NLRP1: variants seen among roughly 807,000 people sequenced by gnomAD.
The protein encoded by NLRP1 is NLR family pyrin domain containing 1.
A neutral mutation model predicts 136.7 loss-of-function variants in NLRP1; 94 were observed. The observed-to-expected ratio is 0.69, with a 90% CI of 0.58 to 0.82. The LOEUF (loss-of-function observed/expected upper bound fraction) is 0.82, where lower values mean the gene tolerates loss of function less well. Ranked by LOEUF, NLRP1 falls within the 40% of genes least tolerant of loss-of-function variation. NLRP1 has a pLI of 0.00. For synonymous variants in NLRP1, 690 were observed against 725.1 expected, an observed-to-expected ratio of 0.95 and a Z score of 0.78; for missense variants, 1,575 against 1,802.7, an observed-to-expected ratio of 0.87 and a Z score of 2.29.
Position 5,559,481 on chromosome 17 carries a change from C to T in NLRP1, c.1215G>A (p.Leu405=), listed in dbSNP as rs758681655. The change falls in exon 4 of 17, where the codon CTG becomes CTA. Residue 405 remains leucine, a synonymous_variant. Coordinates refer to ENST00000572272, the MANE Select transcript of NLRP1 (RefSeq NM_033004.4). ...IRQILSRPER[L]LFILDGVDEP... is the part of the protein sequence containing the mutation. ...CATCTACACCATCGAGGATGAAGAG[C>T]AGCCGCTCTGGCCTAGACAGGATCT... 1.2e-6 allele frequency: 2 copies of T among 1,614,226 alleles called. No individual in the cohort carries two copies. Among genetic ancestry groups the T allele is most frequent in the East Asian group, 2.2e-5 (1 of 44,886 alleles).
At chr17:5,560,202 G>C (rs866525720) in intron 3 of NLRP1, among the ~76,000 whole-genome samples, 159 bp from the exon 4 acceptor site, 22 of 152,214 alleles carry the variant, frequency 1.4e-4, no homozygotes, top group Admixed American at 1.3e-4. Flanking sequence ...TGTGCTTTGG[G>C]GTAGAATATC....
In NLRP1 at chr17:5,537,091, G is replaced by A. The variant is rs1265092885; in HGVS notation, c.2871-151C>T. 1.6e-6 allele frequency: 1 copy of A among 620,410 alleles called. No homozygotes were observed. The highest frequency in any genetic ancestry group is 2.9e-6 in the Non-Finnish European group (1 of 342,218). The allele number at this position is 620,410 out of a possible 1,614,324, so 38.4% of individuals were successfully genotyped here. On this transcript the variant is annotated intron_variant, in intron 7 of 16. Transcript: ENST00000572272. The surrounding 1 kb of genome is among the most constrained non-coding windows in gnomAD (Gnocchi z 4.5). ...CAGGCTCTGAGGAGGAGGGTACAGTGAGGAGATTCATTAGGGTGTGTTCTT... is the reference window on the plus strand; with the variant it reads ...CAGGCTCTGAGGAGGAGGGTACAGTAAGGAGATTCATTAGGGTGTGTTCTT...
At chr17:5,572,780 A>G (rs1904547337) in intron 3 of NLRP1, among the ~76,000 whole-genome samples, 1 of 152,200 alleles carries the variant, frequency 6.6e-6, no homozygotes, top group African/African-American at 2.4e-5. Context: ...ACACATGGCC[A>G]ACAGCATATG....
At chr17:5,511,732 T>TTCCG (rs1555541200), downstream of NLRP1, among the ~76,000 whole-genome samples, 1 of 149,850 alleles carries the variant, frequency 6.7e-6, no homozygotes, top group Non-Finnish European at 1.5e-5. Flanking sequence ...CCTTCCTTCT[T>TTCCG]TCCCTCCCTC....
intron 10 of NLRP1, 37 bp downstream of exon 10, chr17:5,533,267 T>C: frequency 6.4e-7 from 1 of 1,551,640 alleles, no homozygotes; most frequent in East Asian, 2.4e-5. Flanking sequence ...AGAACATGGT[T>C]CAAAAGATGA....
chr17:5,515,051 G>A lies in NLRP1; in HGVS notation c.4125C>T (p.Ala1375=). Residue 1375 remains alanine (A), a synonymous_variant, in exon 17 of 17, where the codon GCC becomes GCT. Coordinates refer to ENST00000572272, the MANE Select transcript of NLRP1 (RefSeq NM_033004.4). ...ARIAVPSPLD[A]PQLLHFVDQY... is the part of the protein sequence containing the mutation. Reference sequence around the variant, plus strand: ...GGTCCACAAAGTGCAGCAACTGCGGGGCATCCAGAGGTGAAGGTACGGCTG... The same window carrying A: ...GGTCCACAAAGTGCAGCAACTGCGGAGCATCCAGAGGTGAAGGTACGGCTG... 6.2e-7 allele frequency: 1 copy of A among 1,614,046 alleles called. No individual in the cohort carries two copies. Among genetic ancestry groups the A allele is most frequent in the Non-Finnish European group, 8.5e-7 (1 of 1,179,976 alleles).
In NLRP1 at chr17:5,514,628, A is replaced by G. The variant is rs1907853592; in HGVS notation, c.*126T>C. On this transcript the variant is annotated 3_prime_UTR_variant, in exon 17 of 17. Coordinates refer to ENST00000572272, the MANE Select transcript of NLRP1 (RefSeq NM_033004.4). ...CATAATGCCCAGCAAAGGCATCATCAAAGTTCCATTACTTTAGTGCTGGAA... is the reference window on the plus strand; with the variant it reads ...CATAATGCCCAGCAAAGGCATCATCGAAGTTCCATTACTTTAGTGCTGGAA... 1 of 1,489,642 alleles carries G rather than the reference A, an allele frequency of 6.7e-7. No homozygotes were observed. The highest frequency in any genetic ancestry group is 8.9e-7 in the Non-Finnish European group (1 of 1,118,072). 92.3% of individuals were successfully genotyped at this position (1,489,642 alleles called of 1,614,324 possible). A position where few individuals can be genotyped will look rare whatever the true frequency, so the allele number is the denominator to read the frequency against.
intron 11 of NLRP1, 114 bp downstream of exon 11, chr17:5,532,708 C>T (rs1910460968): frequency 1.2e-6 from 1 of 854,462 alleles, no homozygotes. Flanking sequence ...AGGAGGGGAC[C>T]CAGTGGTGAG....
At position 5,558,643 on chromosome 17, in the gene NLRP1, C is replaced by T. The variant is rs200362116; in HGVS notation, c.2053G>A (p.Glu685Lys). ...CGGCAGTGAAAGATGTTCTCCATCT[C>T]TCTCTCCCCCTCATCACTTAACAGG... ...LGLLSDEGER[E>K]MENIFHCRLS... The change falls in exon 4 of 17, where the codon GAG (glutamate) becomes AAG (lysine). Residue 685 changes from glutamate (E) to lysine (K), a missense_variant. By Grantham distance (56) the Glu-to-Lys change is moderately conservative. Coordinates refer to ENST00000572272, the MANE Select transcript of NLRP1 (RefSeq NM_033004.4). 4 of 1,613,928 alleles carry T rather than the reference C, an allele frequency of 2.5e-6. No homozygotes were observed. Among genetic ancestry groups the T allele is most frequent in the Non-Finnish European group, 3.4e-6 (4 of 1,179,828 alleles).
At chr17:5,571,042 A>G (rs561814635) in intron 3 of NLRP1, among the ~76,000 whole-genome samples, 1 of 152,304 alleles carries the variant, frequency 6.6e-6, no homozygotes, top group South Asian at 2.1e-4. Context: ...CAGAAAAAGC[A>G]TTTGATAAAA....
intron 12 of NLRP1, 115 bp downstream of exon 12, chr17:5,530,366 C>T (rs373713651): frequency 2.1e-5 from 18 of 845,326 alleles, no homozygotes; most frequent in East Asian, 1.3e-4. Flanking sequence ...CCATAACCCC[C>T]CCTCGGCCCC....
chr17:5,544,136 G>C (rs1912237190), intron 5 of NLRP1, among the ~76,000 whole-genome samples: 1 of 152,184 alleles, frequency 6.6e-6, no homozygotes, highest in Admixed American at 6.5e-5. Context: ...AGGGGAAATA[G>C]TTCTTGGTCA....
rs545397050 is a variant in NLRP1, at chr17:5,574,693, G to A, written c.652+7166C>T. ...TTTTTTTTTTTTGAGATGGAGTCTC[G>A]CTCTGTCACCCAGGCTGGAGTGCAG... On this transcript the variant is annotated intron_variant, in intron 3 of 16. Transcript: ENST00000572272. Among the ~76,000 whole-genome samples the A allele has an allele frequency of 1.8e-3, 245 of 139,862 alleles. 2 individuals carry two copies. Among genetic ancestry groups the A allele is most frequent in the African/African-American group, 5.6e-3 (208 of 36,954 alleles). The allele number at this position is 139,862 out of a possible 152,430, so 91.8% of individuals were successfully genotyped here. A position where few individuals can be genotyped will look rare whatever the true frequency, so the allele number is the denominator to read the frequency against.
intron 3 of NLRP1, among the ~76,000 whole-genome samples, chr17:5,566,916 A>G (rs1915401338): frequency 6.6e-6 from 1 of 151,986 alleles, no homozygotes; most frequent in Non-Finnish European, 1.5e-5. Flanking sequence ...TTATATAGTG[A>G]CCTTCTTTGT....
Position 5,559,142 on chromosome 17 carries a change from A to G in NLRP1, c.1554T>C (p.Leu518=). 1 of 1,614,226 alleles carries G rather than the reference A, an allele frequency of 6.2e-7. No individual in the cohort carries two copies. Among genetic ancestry groups the G allele is most frequent in the Non-Finnish European group, 8.5e-7 (1 of 1,180,032 alleles). ...KSNKELWALC[L]VPWVSWLACT... ...AGGCCAGCCAGGACACCCAGGGCACAAGACACAGGGCCCAGAGCTCTTTGT... is the reference window on the plus strand; with the variant it reads ...AGGCCAGCCAGGACACCCAGGGCACGAGACACAGGGCCCAGAGCTCTTTGT... The change falls in exon 4 of 17, where the codon CTT becomes CTC. Residue 518 remains leucine, a synonymous_variant. Transcript: ENST00000572272.
intron 8 of NLRP1, among the ~76,000 whole-genome samples, chr17:5,534,949 C>T (rs1323911811): frequency 3.3e-5 from 5 of 152,094 alleles, no homozygotes; most frequent in African/African-American, 1.2e-4. Flanking sequence ...CAGCCGGGCG[C>T]GGTGGCTCAC....
At position 5,506,995 on chromosome 17, in the gene NLRP1, A is replaced by G. The variant is rs544369181; in HGVS notation, c.4070-5123T>C. 3.9e-5 allele frequency among the ~76,000 whole-genome samples: 6 copies of G among 152,258 alleles called. No individual in the cohort carries two copies. In the East Asian group the frequency reaches 9.6e-4, roughly 24 times the overall value. On this transcript the variant is annotated intron_variant, in intron 15 of 15. Coordinates refer to the NLRP1 transcript ENST00000262467. ...TGATAAGTGAAAGAAGCAAGCACAAAAGGACAATGATTGTATGATTCCACT... is the reference window on the plus strand; with the variant it reads ...TGATAAGTGAAAGAAGCAAGCACAAGAGGACAATGATTGTATGATTCCACT...
intron 7 of NLRP1, 31 bp downstream of exon 7, chr17:5,539,384 C>A: frequency 6.3e-7 from 1 of 1,583,478 alleles, no homozygotes; most frequent in South Asian, 1.2e-5. Context: ...ACCCTCTTCC[C>A]TCTGCCCAGA....
At chr17:5,545,095 T>A (rs1408346503) in intron 5 of NLRP1, among the ~76,000 whole-genome samples, 1 of 152,198 alleles carries the variant, frequency 6.6e-6, no homozygotes, top group Non-Finnish European at 1.5e-5. Flanking sequence ...TGTTTTTCTC[T>A]GGCTTCCTTC....
Sources: allele counts gnomAD v4.1 joint callset (sites outside exome capture counted in the v4.1 genomes callset), GRCh38; gene constraint gnomAD v4.1.1; non-coding constraint Gnocchi (gnomAD v3.1); transcripts MANE v1.5; gene names NCBI Gene and HGNC (gene_info 2026-07-23, HGNC 2026-07-21).